Variants in PAPSS1 observed in about 807,000 individuals in gnomAD.
PAPSS1 encodes the protein bifunctional 3'-phosphoadenosine 5'-phosphosulfate synthase 1.
In PAPSS1, 50 loss-of-function variants were observed where a neutral mutation model predicts 72.0. That is an observed-to-expected ratio of 0.69 (90% CI 0.55 to 0.88). PAPSS1 has a LOEUF of 0.88. Ranked by LOEUF, PAPSS1 falls within the 40% of genes least tolerant of loss-of-function variation. The pLI is 0.00. For missense variants in PAPSS1, 657 were observed against 782.2 expected (o/e 0.84, Z 1.91); for synonymous variants, 261 against 263.6 (o/e 0.99, Z 0.09).
chr4:107,639,132 C>T (rs969360932), intron 10 of PAPSS1, among the ~76,000 whole-genome samples: 3 of 152,070 alleles, frequency 2.0e-5, no homozygotes, highest in Non-Finnish European at 4.4e-5. Context: ...AAGAAACAAG[C>T]AAGAACAAAT....
At chr4:107,645,160 T>C (rs1274000830) in intron 9 of PAPSS1, 90 bp from the exon 10 acceptor site, 2 of 1,004,276 alleles carry the variant, frequency 2.0e-6, no homozygotes, top group Non-Finnish European at 2.7e-6. Context: ...ACTTGATACT[T>C]AGGATTAAGC....
chr4:107,680,967 A>G lies in PAPSS1; in HGVS notation c.669+1048T>C, dbSNP rs17037985. Among the ~76,000 whole-genome samples the G allele has an allele frequency of 6.3e-3, 964 of 152,306 alleles. 7 individuals carry two copies. The highest frequency in any genetic ancestry group is 0.022 in the African/African-American group (906 of 41,556). ...TCAGCTACAATGTTTGGATAAAATA[A>G]ATAAATTAGGAAGGAAAGTCCCAAG... On this transcript the variant is annotated intron_variant, in intron 5 of 11. Transcript: ENST00000265174.
Position 107,693,798 on chromosome 4 carries a change from G to A in PAPSS1, c.384C>T (p.Ile128=), listed in dbSNP as rs1471141110. 5 of 1,613,546 alleles carry A rather than the reference G, an allele frequency of 3.1e-6. No individual in the cohort carries two copies. The highest frequency in any genetic ancestry group is 4.2e-6 in the Non-Finnish European group (5 of 1,179,568). Residue 128 remains isoleucine, a synonymous_variant, in exon 3 of 12, where the codon ATC becomes ATT. Transcript: ENST00000265174. The part of the protein sequence containing the change: ...KLFADAGLVC[I]TSFISPYTQD... Reference sequence around the variant, plus strand: ...GAGTGTAAGGTGATATGAAACTTGTGATGCACACTAAGCCAGCATCTGCAA... The same window carrying A: ...GAGTGTAAGGTGATATGAAACTTGTAATGCACACTAAGCCAGCATCTGCAA...
At chr4:107,630,550 A>G (rs959436628) in intron 11 of PAPSS1, among the ~76,000 whole-genome samples, 1 of 152,006 alleles carries the variant, frequency 6.6e-6, no homozygotes, top group African/African-American at 2.4e-5. Context: ...AGTCAATTAA[A>G]CCTCTTTTGT....
intron 1 of PAPSS1, among the ~76,000 whole-genome samples, chr4:107,702,962 TC>T (rs1723241853): frequency 6.6e-6 from 1 of 152,172 alleles, no homozygotes; most frequent in Non-Finnish European, 1.5e-5. Flanking sequence ...ATACTAATAT[TC>T]CCACAATAGC....
intron 8 of PAPSS1, among the ~76,000 whole-genome samples, chr4:107,654,151 T>C (rs920107856): frequency 6.6e-6 from 1 of 152,202 alleles, no homozygotes; most frequent in African/African-American, 2.4e-5. Flanking sequence ...CTTTTCCCCA[T>C]GAGGCTTTGG....
intron 1 of PAPSS1, among the ~76,000 whole-genome samples, chr4:107,703,533 T>A (rs1056769084): frequency 9.2e-5 from 14 of 152,198 alleles, no homozygotes; most frequent in African/African-American, 3.1e-4. Flanking sequence ...GAGTTTTTTT[T>A]ATATGAGGTG....
intron 5 of PAPSS1, among the ~76,000 whole-genome samples, chr4:107,669,495 CA>C (rs1364068501): frequency 6.6e-6 from 1 of 152,044 alleles, no homozygotes; most frequent in Admixed American, 6.5e-5. Context: ...TGGTGAAGAC[CA>C]AAAATTAAGG....
chr4:107,662,600 G>GA (rs1332486738), intron 5 of PAPSS1, among the ~76,000 whole-genome samples: 5,798 of 126,276 alleles, frequency 0.046, 339 homozygotes, highest in African/African-American at 0.15. Flanking sequence ...ACCACATATA[G>GA]AAAAAAAAAA....
At chr4:107,684,398 T>G (rs1339918530) in intron 4 of PAPSS1, among the ~76,000 whole-genome samples, 2 of 152,194 alleles carry the variant, frequency 1.3e-5, no homozygotes, top group African/African-American at 4.8e-5. Context: ...AAAACATGTT[T>G]CTTTGCCATA....
intron 11 of PAPSS1, among the ~76,000 whole-genome samples, chr4:107,619,942 G>A (rs1250141351): frequency 6.6e-6 from 1 of 152,196 alleles, no homozygotes; most frequent in Non-Finnish European, 1.5e-5. Context: ...CTAACCACAT[G>A]TGGCCAGCAT....
At chr4:107,630,054 T>C (rs995407485) in intron 11 of PAPSS1, among the ~76,000 whole-genome samples, 3 of 152,140 alleles carry the variant, frequency 2.0e-5, no homozygotes, top group African/African-American at 7.2e-5. Context: ...TTTTCTTCAG[T>C]CAAAAAAGAC....
chr4:107,683,977 A>AC (rs1553921233), intron 4 of PAPSS1, among the ~76,000 whole-genome samples: 1,702 of 126,574 alleles, frequency 0.013, 27 homozygotes, highest in African/African-American at 0.042. Context: ...CACACACACA[A>AC]ACACACATTA....
chr4:107,682,913 T>C (rs2110337034), intron 4 of PAPSS1, among the ~76,000 whole-genome samples: 1 of 152,310 alleles, frequency 6.6e-6, no homozygotes, highest in African/African-American at 2.4e-5. Flanking sequence ...AGTAAATAGA[T>C]CACAAAATAA....
At chr4:107,710,778 C>T (rs992970379) in intron 1 of PAPSS1, among the ~76,000 whole-genome samples, 1 of 152,184 alleles carries the variant, frequency 6.6e-6, no homozygotes, top group Non-Finnish European at 1.5e-5. Flanking sequence ...CTGGCTCGCT[C>T]CTGTCCATCT....
At chr4:107,628,141 T>C (rs1726145900) in intron 11 of PAPSS1, among the ~76,000 whole-genome samples, 1 of 152,188 alleles carries the variant, frequency 6.6e-6, no homozygotes, top group Non-Finnish European at 1.5e-5. Flanking sequence ...TTTCTGTTCA[T>C]TCACTCTCAT....
At chr4:107,644,075 G>A (rs748211675) in intron 10 of PAPSS1, among the ~76,000 whole-genome samples, 27 of 152,212 alleles carry the variant, frequency 1.8e-4, no homozygotes, top group Non-Finnish European at 3.4e-4. Context: ...TGGACTCCTC[G>A]ACAACCGTCT....
At chr4:107,679,802 T>C (rs1278472087) in intron 5 of PAPSS1, among the ~76,000 whole-genome samples, 1 of 151,964 alleles carries the variant, frequency 6.6e-6, no homozygotes, top group Admixed American at 6.6e-5. Flanking sequence ...GATAGGACTT[T>C]TTAACTGGGA....
intron 3 of PAPSS1, among the ~76,000 whole-genome samples, chr4:107,687,611 C>T (rs1248512383): frequency 1.3e-5 from 2 of 151,960 alleles, no homozygotes; most frequent in East Asian, 1.9e-4. Context: ...CAAATGCAAG[C>T]CCCCTGCAGC....
Sources: gnomAD v4.1 joint callset for allele counts (sites outside exome capture counted in the v4.1 genomes callset) on GRCh38, gnomAD v4.1.1 for gene constraint, MANE v1.5 for transcripts, NCBI Gene and HGNC (gene_info 2026-07-23, HGNC 2026-07-21) for gene names.